The following SHISAL2B variants were observed in gnomAD, a reference collection of about 807,000 sequenced individuals.
SHISAL2B encodes protein shisa-like-2B.
Under a neutral mutation model 16.5 loss-of-function variants are expected in SHISAL2B, and 12 were observed. The observed-to-expected ratio is 0.73, with a 90% CI of 0.47 to 1.18. The LOEUF is 1.18. Ranked by LOEUF, SHISAL2B falls within the 50% of genes most tolerant of loss-of-function variation. SHISAL2B has a pLI of 0.00. For missense variants in SHISAL2B, 183 were observed against 193.6 expected (o/e 0.95, Z 0.33); for synonymous variants, 72 against 75.0 (o/e 0.96, Z 0.21).
intron 2 of SHISAL2B, among the ~76,000 whole-genome samples, chr5:64,717,510 A>G (rs965619162): frequency 1.4e-4 from 21 of 152,166 alleles, no homozygotes; most frequent in Non-Finnish European, 2.8e-4. Context: ...ATAATGGCAA[A>G]GCCTTAAGGT....
chr5:64,717,385 A>C (rs57758714), intron 2 of SHISAL2B, among the ~76,000 whole-genome samples: 1,739 of 152,320 alleles, frequency 0.011, 33 homozygotes, highest in African/African-American at 0.04. Flanking sequence ...ACTTCTGATC[A>C]GCAAAGATCC....
At chr5:64,714,495 TTGTC>T (rs1044369532) in intron 2 of SHISAL2B, among the ~76,000 whole-genome samples, 10 of 151,352 alleles carry the variant, frequency 6.6e-5, no homozygotes, top group Non-Finnish European at 1.5e-4. Context: ...GTCTTTTTGT[TTGTC>T]TGTGCCCTGC....
chr5:64,694,211 G>A (rs987807091), intron 1 of SHISAL2B: 3 of 392,146 alleles, frequency 7.7e-6, no homozygotes, highest in African/African-American at 2.1e-5. Context: ...TAGATCAATT[G>A]GCAGTCAATT....
chr5:64,709,306 C>T (rs1406304308), intron 2 of SHISAL2B, among the ~76,000 whole-genome samples: 4 of 150,778 alleles, frequency 2.7e-5, no homozygotes, highest in African/African-American at 9.8e-5. Flanking sequence ...TTTGTTCTTG[C>T]GATAGTTTAC....
chr5:64,708,303 A>G (rs1222158531), intron 2 of SHISAL2B, among the ~76,000 whole-genome samples: 1 of 152,188 alleles, frequency 6.6e-6, no homozygotes, highest in Non-Finnish European at 1.5e-5. Context: ...CAAAAAATTA[A>G]TGAGGACCCA....
At chr5:64,699,696 G>A (rs1741782415) in intron 2 of SHISAL2B, among the ~76,000 whole-genome samples, 2 of 152,168 alleles carry the variant, frequency 1.3e-5, no homozygotes, top group African/African-American at 4.8e-5. Flanking sequence ...TAGGAAATCT[G>A]AATGGCCTAA....
intron 1 of SHISAL2B, among the ~76,000 whole-genome samples, chr5:64,692,789 C>A (rs978014236): frequency 2.0e-5 from 3 of 152,144 alleles, no homozygotes; most frequent in Non-Finnish European, 4.4e-5. Context: ...CTGTGTCTGG[C>A]CCCTTCCCAT....
chr5:64,701,148 A>T (rs1741804726), intron 2 of SHISAL2B, among the ~76,000 whole-genome samples: 1 of 152,194 alleles, frequency 6.6e-6, no homozygotes, highest in Non-Finnish European at 1.5e-5. Context: ...TTTAGGGAGT[A>T]ATTACAAGAA....
At chr5:64,704,893 A>G (rs184329124) in intron 2 of SHISAL2B, among the ~76,000 whole-genome samples, 1 of 152,288 alleles carries the variant, frequency 6.6e-6, no homozygotes, top group Admixed American at 6.5e-5. Flanking sequence ...ATTTCCCAAT[A>G]TGTCCAATTA....
chr5:64,693,972 A>G, intron 1 of SHISAL2B: 1 of 382,588 alleles, frequency 2.6e-6, no homozygotes. Context: ...CCTGAAATCA[A>G]GGACAAGTGG....
intron 2 of SHISAL2B, among the ~76,000 whole-genome samples, chr5:64,702,364 C>G (rs1382659500): frequency 2.6e-5 from 4 of 152,052 alleles, no homozygotes; most frequent in Admixed American, 2.0e-4. Context: ...CCACGCCAGG[C>G]TAATTTTGTA....
At chr5:64,712,992 C>A (rs1424872821) in intron 2 of SHISAL2B, among the ~76,000 whole-genome samples, 1 of 152,156 alleles carries the variant, frequency 6.6e-6, no homozygotes, top group Non-Finnish European at 1.5e-5. Context: ...ACTCTTTATG[C>A]AACTTGCCAG....
intron 2 of SHISAL2B, among the ~76,000 whole-genome samples, chr5:64,698,374 C>A (rs1561374644): frequency 6.6e-6 from 1 of 152,200 alleles, no homozygotes; most frequent in Non-Finnish European, 1.5e-5. Context: ...AAACAGTCTT[C>A]ATCATGACCT....
In SHISAL2B at chr5:64,708,979, A is replaced by G. The variant is rs150499260; in HGVS notation, c.350-8910A>G. Among the ~76,000 whole-genome samples, 1,282 of 151,286 alleles carry G rather than the reference A, an allele frequency of 8.5e-3. 63 individuals carry two copies. Among genetic ancestry groups the G allele is most frequent in the Admixed American group, 0.076 (1,152 of 15,200 alleles). On this transcript the variant is annotated intron_variant, in intron 2 of 2. Coordinates refer to ENST00000389074, the MANE Select transcript of SHISAL2B (RefSeq NM_001164442.2). ...TAATATTAGCCTAGAGATCAATACC[A>G]TGCATGTTTCAGTCTTATGGGTAAG... is the stretch of plus-strand genomic sequence containing the variant.
At chr5:64,703,541 A>AG (rs1408163801) in intron 2 of SHISAL2B, among the ~76,000 whole-genome samples, 2 of 152,208 alleles carry the variant, frequency 1.3e-5, no homozygotes, top group Non-Finnish European at 2.9e-5. Flanking sequence ...CAAGGCACAG[A>AG]GTCAGGCAAT....
chr5:64,705,482 G>C (rs1229290475), intron 2 of SHISAL2B, among the ~76,000 whole-genome samples: 2 of 152,050 alleles, frequency 1.3e-5, no homozygotes, highest in African/African-American at 4.8e-5. Context: ...ACACTTTTTA[G>C]ATTTCCAGGA....
intron 2 of SHISAL2B, among the ~76,000 whole-genome samples, chr5:64,696,431 G>T (rs1401092858): frequency 1.3e-5 from 2 of 152,154 alleles, no homozygotes; most frequent in Non-Finnish European, 2.9e-5. Flanking sequence ...CAAACATAAG[G>T]TCTGACTGCC....
At chr5:64,713,194 T>A (rs1466863319) in intron 2 of SHISAL2B, among the ~76,000 whole-genome samples, 2 of 148,636 alleles carry the variant, frequency 1.3e-5, no homozygotes, top group South Asian at 2.2e-4. Flanking sequence ...TTCCTTTCCA[T>A]GTTTAGTGCT....
At chr5:64,703,803 A>T (rs1472401670) in intron 2 of SHISAL2B, among the ~76,000 whole-genome samples, 1 of 152,116 alleles carries the variant, frequency 6.6e-6, no homozygotes, top group African/African-American at 2.4e-5. Flanking sequence ...CAAGTCCAAG[A>T]TTCTAACTTT....
Sources: allele counts gnomAD v4.1 joint callset (sites outside exome capture counted in the v4.1 genomes callset), GRCh38; gene constraint gnomAD v4.1.1; transcripts MANE v1.5; gene names NCBI Gene and HGNC (gene_info 2026-07-23, HGNC 2026-07-21).